Variants in ZFPM2 observed in about 807,000 individuals in gnomAD.
ZFPM2 encodes zinc finger protein, FOG family member 2, also known as zinc finger protein ZFPM2.
Under a neutral mutation model 98.6 loss-of-function variants are expected in ZFPM2, and 20 were observed. The ratio of observed to expected loss-of-function variants is 0.20; its 90% CI spans 0.14 to 0.29. The LOEUF (loss-of-function observed/expected upper bound fraction) is 0.29, where lower values mean the gene tolerates loss of function less well. Among genes scored for constraint, ZFPM2 ranks in the 10% least tolerant of loss-of-function variants. The pLI, the probability that ZFPM2 is intolerant of heterozygous loss-of-function variation, is 1.00. For missense variants in ZFPM2, 1,310 were observed against 1,388.6 expected (o/e 0.94, Z 0.90); for synonymous variants, 518 against 502.7 (o/e 1.03, Z -0.41).
At chr8:105,475,573 T>C (rs1812997282) in intron 3 of ZFPM2, among the ~76,000 whole-genome samples, 1 of 152,204 alleles carries the variant, frequency 6.6e-6, no homozygotes, top group Non-Finnish European at 1.5e-5. Flanking sequence ...CCAAAAGATT[T>C]AAGCGGAGGA....
intron 1 of ZFPM2, among the ~76,000 whole-genome samples, chr8:105,359,955 A>C (rs1007506713): frequency 5.3e-5 from 8 of 152,230 alleles, no homozygotes; most frequent in African/African-American, 1.7e-4. Context: ...CTTCTCTAAG[A>C]GTAAATGTAT....
chr8:105,443,324 AAC>A lies in ZFPM2; in HGVS notation c.200-954_200-953del, dbSNP rs1333742897. 6.1e-5 allele frequency among the ~76,000 whole-genome samples: 9 copies of A among 147,386 alleles called. 1 individual carries two copies. The highest frequency in any genetic ancestry group is 2.1e-4 in the South Asian group (1 of 4,682). On this transcript the variant is annotated intron_variant, in intron 2 of 7. Transcript: ENST00000407775. ...TAAGACTCCTTCTCAAAAAACAAAA[AAC>A]AAAAAAAAAAAAACTTGGCATTATT...
At chr8:105,633,845 T>C (rs1816796338) in intron 4 of ZFPM2, among the ~76,000 whole-genome samples, 2 of 152,194 alleles carry the variant, frequency 1.3e-5, no homozygotes, top group South Asian at 2.1e-4. Flanking sequence ...TTAAATTCTT[T>C]CCTGTCTGTT....
chr8:105,324,738 T>C (rs1812085477), intron 1 of ZFPM2, among the ~76,000 whole-genome samples: 1 of 151,972 alleles, frequency 6.6e-6, no homozygotes, highest in African/African-American at 2.4e-5. Flanking sequence ...ACTAATTTTA[T>C]TTATTCTACA....
At chr8:105,546,438 G>A (rs1350818245) in intron 3 of ZFPM2, among the ~76,000 whole-genome samples, 3 of 151,620 alleles carry the variant, frequency 2.0e-5, no homozygotes, top group Non-Finnish European at 4.4e-5. Flanking sequence ...GCGTGGTGGT[G>A]CATGCCTGTA....
intron 5 of ZFPM2, among the ~76,000 whole-genome samples, chr8:105,690,186 G>T (rs981626150): frequency 3.3e-5 from 5 of 152,188 alleles, no homozygotes; most frequent in Non-Finnish European, 7.3e-5. Context: ...GGTTCACCCT[G>T]AATAAGGCAG....
chr8:105,768,866 A>G (rs1439805546), intron 5 of ZFPM2, among the ~76,000 whole-genome samples: 2 of 151,482 alleles, frequency 1.3e-5, no homozygotes, highest in Non-Finnish European at 3.0e-5. Context: ...CACACATACT[A>G]TATAACCTTT....
At chr8:105,697,002 G>T (rs1305244196) in intron 5 of ZFPM2, among the ~76,000 whole-genome samples, 5 of 152,236 alleles carry the variant, frequency 3.3e-5, no homozygotes, top group Admixed American at 2.6e-4. Flanking sequence ...AAAGAATTAA[G>T]CCAAATATAT....
intron 3 of ZFPM2, among the ~76,000 whole-genome samples, chr8:105,548,073 TTTCA>T: frequency 6.6e-6 from 1 of 152,078 alleles, no homozygotes; most frequent in Non-Finnish European, 1.5e-5. Flanking sequence ...CTGATTCTGC[TTTCA>T]GACATCACAC....
intron 5 of ZFPM2, among the ~76,000 whole-genome samples, chr8:105,688,669 T>A (rs148882225): frequency 2.6e-4 from 39 of 152,240 alleles, no homozygotes; most frequent in African/African-American, 9.1e-4. Flanking sequence ...AGAAGGAAGA[T>A]ATTATATAGT....
chr8:105,613,197 A>G (rs1816341576), intron 4 of ZFPM2, among the ~76,000 whole-genome samples: 1 of 152,172 alleles, frequency 6.6e-6, no homozygotes, highest in Admixed American at 6.6e-5. Flanking sequence ...ACGTCAGCAT[A>G]GCCAAATGAT....
At chr8:105,574,567 G>C (rs1330003481) in intron 4 of ZFPM2, among the ~76,000 whole-genome samples, 1 of 152,122 alleles carries the variant, frequency 6.6e-6, no homozygotes, top group Non-Finnish European at 1.5e-5. Flanking sequence ...ATACAGAATG[G>C]AGTGAATAAG....
chr8:105,571,577 A>G (rs1290984961), intron 4 of ZFPM2, among the ~76,000 whole-genome samples: 1 of 152,190 alleles, frequency 6.6e-6, no homozygotes, highest in African/African-American at 2.4e-5. Flanking sequence ...TTGTCATTCT[A>G]TACTGATTTC....
intron 4 of ZFPM2, among the ~76,000 whole-genome samples, chr8:105,613,195 A>T (rs182792954): frequency 6.6e-6 from 1 of 152,170 alleles, no homozygotes; most frequent in South Asian, 2.1e-4. Flanking sequence ...ATACGTCAGC[A>T]TAGCCAAATG....
At chr8:105,749,637 G>A (rs77511293) in intron 5 of ZFPM2, among the ~76,000 whole-genome samples, 6,928 of 151,824 alleles carry the variant, frequency 0.046, 271 homozygotes, top group East Asian at 0.2. Context: ...ATGACTGTTA[G>A]GTCATAACAA....
At chr8:105,547,399 G>A (rs34105035) in intron 3 of ZFPM2, among the ~76,000 whole-genome samples, 21,246 of 151,584 alleles carry the variant, frequency 0.14, 1,638 homozygotes, top group Non-Finnish European at 0.18. Context: ...GAAAATAGCC[G>A]AGCGTGGTGG....
chr8:105,510,556 C>G (rs576412071), intron 3 of ZFPM2, among the ~76,000 whole-genome samples: 45 of 152,214 alleles, frequency 3.0e-4, no homozygotes, highest in African/African-American at 9.9e-4. Flanking sequence ...GGTATTTTAT[C>G]TCTCTGCTTC....
At chr8:105,562,341 T>TGG (rs1815157724) in intron 4 of ZFPM2, among the ~76,000 whole-genome samples, 1 of 143,318 alleles carries the variant, frequency 7.0e-6, no homozygotes, top group South Asian at 2.1e-4. Flanking sequence ...AATAAATAAA[T>TGG]AAATAAATAA....
At chr8:105,647,441 C>A (rs1946973) in intron 5 of ZFPM2, among the ~76,000 whole-genome samples, 117,385 of 150,842 alleles carry the variant, frequency 0.78, 45,769 homozygotes, top group Middle Eastern at 0.88. Flanking sequence ...GGTTTGTTAC[C>A]TATGTATACA....
Sources: allele counts gnomAD v4.1 joint callset (sites outside exome capture counted in the v4.1 genomes callset), GRCh38; gene constraint gnomAD v4.1.1; transcripts MANE v1.5; gene names NCBI Gene and HGNC (gene_info 2026-07-23, HGNC 2026-07-21).